The following TENM2 variants were observed in gnomAD, a reference collection of about 807,000 sequenced individuals.
TENM2 encodes the protein teneurin transmembrane protein 2.
Under a neutral mutation model 245.2 loss-of-function variants are expected in TENM2, and 52 were observed. The observed-to-expected ratio is 0.21, with a 90% CI of 0.17 to 0.27. The LOEUF (loss-of-function observed/expected upper bound fraction) is 0.27. TENM2 is among the 10% of genes least tolerant of loss of function. The pLI, the probability that TENM2 is intolerant of heterozygous loss-of-function variation, is 1.00. For synonymous variants in TENM2, 1,363 were observed against 1,438.9 expected (o/e 0.95, Z 1.19); for missense variants, 3,046 against 3,666.8 (o/e 0.83, Z 4.37).
At chr5:167,970,587 A>T (rs1347691199) in intron 4 of TENM2, among the ~76,000 whole-genome samples, 5 of 152,120 alleles carry the variant, frequency 3.3e-5, no homozygotes, top group Admixed American at 3.3e-4. Context: ...GAAACATTTA[A>T]CTCCATGCTT....
chr5:167,449,923 A>G (rs1237103614), intron 2 of TENM2, among the ~76,000 whole-genome samples: 2 of 152,170 alleles, frequency 1.3e-5, no homozygotes, highest in Non-Finnish European at 2.9e-5. Flanking sequence ...CCGCCATTGC[A>G]CTCCAGCCTG....
At chr5:167,035,103 TC>T in the TENM2 span, among the ~76,000 whole-genome samples, 1 of 152,226 alleles carries the variant, frequency 6.6e-6, no homozygotes. Context: ...TTTCATACTT[TC>T]CATTCCTGAA....
At chr5:167,781,360 T>A (rs1226655394) in intron 2 of TENM2, among the ~76,000 whole-genome samples, 1 of 152,196 alleles carries the variant, frequency 6.6e-6, no homozygotes, top group Non-Finnish European at 1.5e-5. Context: ...CCAAATACCT[T>A]TATTGGAGCA....
intron 3 of TENM2, among the ~76,000 whole-genome samples, chr5:167,902,702 ACT>A (rs1775804082): frequency 6.6e-6 from 1 of 151,872 alleles, no homozygotes; most frequent in Admixed American, 6.6e-5. Flanking sequence ...ATGTTTTGTC[ACT>A]CTCTGTATCT....
At chr5:167,607,141 G>A (rs376298225) in intron 2 of TENM2, among the ~76,000 whole-genome samples, 12 of 151,938 alleles carry the variant, frequency 7.9e-5, no homozygotes, top group African/African-American at 1.9e-4. Flanking sequence ...TGCTTCATTC[G>A]GCACTCTGAG....
At position 167,322,493 on chromosome 5, in the gene TENM2, G is replaced by T. The variant is rs1756824091; in HGVS notation, c.226+37430G>T. 2.6e-5 allele frequency among the ~76,000 whole-genome samples: 4 copies of T among 152,194 alleles called. No homozygotes were observed. In the South Asian group the frequency reaches 8.3e-4, roughly 32 times the overall value. On this transcript the variant is annotated intron_variant, in intron 1 of 28. Coordinates refer to ENST00000518659, the Ensembl canonical transcript of TENM2. ...GTGTGACCTCAGCTATGCAAGTTGT[G>T]TGTACCTTTTCCTTTCTTTCTTCTA...
At chr5:167,664,389 T>G (rs573866230) in intron 2 of TENM2, among the ~76,000 whole-genome samples, 2 of 152,314 alleles carry the variant, frequency 1.3e-5, no homozygotes, top group African/African-American at 2.4e-5. Flanking sequence ...AATCTTTCCC[T>G]GAGGGGAAAT....
intron 2 of TENM2, among the ~76,000 whole-genome samples, chr5:167,704,380 T>A (rs1406289059): frequency 6.6e-6 from 1 of 152,148 alleles, no homozygotes; most frequent in Admixed American, 6.5e-5. Context: ...CCATGGCACA[T>A]CTTATCCAAC....
At position 168,042,355 on chromosome 5, in the gene TENM2, C is replaced by T. The variant is rs149134070; in HGVS notation, c.1187-5072C>T. Among the ~76,000 whole-genome samples, 48 of 152,254 alleles carry T rather than the reference C, an allele frequency of 3.2e-4. 1 individual carries two copies. In the East Asian group the frequency reaches 7.2e-3, roughly 23 times the overall value. On this transcript the variant is annotated intron_variant, in intron 5 of 28. Transcript: ENST00000518659. ...GCCTGCTCGGCAAACACAGAGCATCCGTGGCCTCCATGTTTGCCCTCTTTG... is the reference window on the plus strand; with the variant it reads ...GCCTGCTCGGCAAACACAGAGCATCTGTGGCCTCCATGTTTGCCCTCTTTG...
the TENM2 span, among the ~76,000 whole-genome samples, chr5:167,194,027 G>C: frequency 6.6e-5 from 10 of 151,904 alleles, no homozygotes; most frequent in Admixed American, 6.6e-4. Context: ...TTCAAGCTCA[G>C]GTTCTTCACA....
chr5:168,054,621 TG>T (rs1016395222), intron 6 of TENM2, among the ~76,000 whole-genome samples: 1 of 152,234 alleles, frequency 6.6e-6, no homozygotes, highest in Non-Finnish European at 1.5e-5. Context: ...ATCACTTGTT[TG>T]GGGAATAGTT....
the TENM2 span, among the ~76,000 whole-genome samples, chr5:167,120,711 C>T: frequency 6.6e-6 from 1 of 152,158 alleles, no homozygotes; most frequent in Non-Finnish European, 1.5e-5. Context: ...TCTTCAGTAA[C>T]AGATAGTATA....
Position 167,571,280 on chromosome 5 carries a change from G to A in TENM2, c.502+195807G>A, listed in dbSNP as rs186227595. ...CCATCTTAAGATGAGGACACAATGA[G>A]ACAAAATAACTCAGTCAAGGTCACA... On this transcript the variant is annotated intron_variant, in intron 2 of 28. Transcript: ENST00000518659. Among the ~76,000 whole-genome samples the A allele has an allele frequency of 3.2e-4, 49 of 152,208 alleles. 1 individual carries two copies. In the East Asian group the frequency reaches 8.9e-3, roughly 28 times the overall value.
intron 25 of TENM2, among the ~76,000 whole-genome samples, chr5:168,238,211 G>GAAA (rs1348261737): frequency 0.014 from 567 of 40,756 alleles, 133 homozygotes; most frequent in African/African-American, 0.05. Context: ...GGGAGGGAGG[G>GAAA]AGGGAGAGAG....
intron 5 of TENM2, among the ~76,000 whole-genome samples, chr5:168,010,862 G>A (rs1785168715): frequency 6.6e-6 from 1 of 152,208 alleles, no homozygotes; most frequent in African/African-American, 2.4e-5. Flanking sequence ...CAATTTGGGG[G>A]CGTTATTAAA....
At chr5:167,014,222 A>G in the TENM2 span, among the ~76,000 whole-genome samples, 82 of 140,460 alleles carry the variant, frequency 5.8e-4, no homozygotes, top group African/African-American at 2.1e-3. Context: ...TCATAGTGTC[A>G]AAGAATTAGA....
At chr5:167,234,114 A>G in the TENM2 span, among the ~76,000 whole-genome samples, 13 of 152,212 alleles carry the variant, frequency 8.5e-5, no homozygotes, top group Admixed American at 3.3e-4. Flanking sequence ...AGAGCTAGAA[A>G]TAACACAGGA....
At chr5:168,025,959 A>G (rs1278247829) in intron 5 of TENM2, among the ~76,000 whole-genome samples, 1 of 152,160 alleles carries the variant, frequency 6.6e-6, no homozygotes, top group African/African-American at 2.4e-5. Context: ...CTCCCTGGCT[A>G]TGAAGGGGGC....
At chr5:167,181,568 G>A in the TENM2 span, among the ~76,000 whole-genome samples, 1 of 150,042 alleles carries the variant, frequency 6.7e-6, no homozygotes, top group Admixed American at 6.7e-5. Flanking sequence ...ATACTGTTGT[G>A]TAAAGCACGC....
Sources: allele counts gnomAD v4.1 joint callset (sites outside exome capture counted in the v4.1 genomes callset), GRCh38; gene constraint gnomAD v4.1.1; transcripts MANE v1.5; gene names NCBI Gene and HGNC (gene_info 2026-07-23, HGNC 2026-07-21).